The following CCSER1 variants were observed in gnomAD, a reference collection of about 807,000 sequenced individuals.
CCSER1 encodes serine-rich coiled-coil domain-containing protein 1.
In CCSER1, 41 loss-of-function variants were observed where a neutral mutation model predicts 82.0. The ratio of observed to expected loss-of-function variants is 0.50; its 90% CI spans 0.39 to 0.65. CCSER1 has a LOEUF of 0.65. CCSER1 is among the 30% of genes least tolerant of loss of function. The probability of loss-of-function intolerance (pLI) is 0.00; values close to 1 mark genes in which losing one functional copy is unlikely to be tolerated. For missense variants in CCSER1, 1,119 were observed against 1,064.2 expected, an observed-to-expected ratio of 1.05 and a Z score of -0.72; for synonymous variants, 414 against 383.9, an observed-to-expected ratio of 1.08 and a Z score of -0.92.
intron 1 of CCSER1, among the ~76,000 whole-genome samples, chr4:90,194,024 A>T (rs934026889): frequency 2.0e-5 from 3 of 152,024 alleles, no homozygotes; most frequent in African/African-American, 4.8e-5. Context: ...GTTCTTTTGA[A>T]ATATGTTGAT....
chr4:90,904,801 T>C (rs1046661909), intron 8 of CCSER1, among the ~76,000 whole-genome samples: 4 of 152,062 alleles, frequency 2.6e-5, no homozygotes, highest in African/African-American at 4.8e-5. Flanking sequence ...TGTTATATGA[T>C]GTGTATCACT....
chr4:91,038,086 G>T (rs1190517265), intron 9 of CCSER1, among the ~76,000 whole-genome samples: 3 of 151,994 alleles, frequency 2.0e-5, no homozygotes, highest in Non-Finnish European at 2.9e-5. Flanking sequence ...CAATTGAAAG[G>T]TACCCTGTCC....
chr4:90,891,297 G>T, intron 8 of CCSER1, among the ~76,000 whole-genome samples: 1 of 151,570 alleles, frequency 6.6e-6, no homozygotes, highest in Admixed American at 6.6e-5. Flanking sequence ...TTAATAAGTG[G>T]CTAATCAAAT....
At chr4:91,417,240 G>T (rs1253494009) in intron 10 of CCSER1, among the ~76,000 whole-genome samples, 1 of 151,444 alleles carries the variant, frequency 6.6e-6, no homozygotes, top group East Asian at 1.9e-4. Context: ...GGAAAAGATT[G>T]GTGGAAGTGT....
intron 9 of CCSER1, among the ~76,000 whole-genome samples, chr4:91,081,338 G>A (rs1324997965): frequency 4.6e-5 from 7 of 152,008 alleles, no homozygotes; most frequent in Non-Finnish European, 8.8e-5. Context: ...TGCAGAAAAG[G>A]CCTTCGATGA....
At chr4:91,328,319 A>G (rs1746707164) in intron 10 of CCSER1, among the ~76,000 whole-genome samples, 1 of 152,224 alleles carries the variant, frequency 6.6e-6, no homozygotes, top group Non-Finnish European at 1.5e-5. Flanking sequence ...GAAACTTACA[A>G]TCATGGCCAA....
intron 1 of CCSER1, among the ~76,000 whole-genome samples, chr4:90,180,994 T>A (rs1560753901): frequency 6.6e-6 from 1 of 152,166 alleles, no homozygotes; most frequent in East Asian, 1.9e-4. Context: ...TATATATATA[T>A]AATGAGCATA....
intron 10 of CCSER1, among the ~76,000 whole-genome samples, chr4:91,377,233 A>G (rs1750490744): frequency 1.3e-5 from 2 of 152,212 alleles, no homozygotes; most frequent in African/African-American, 4.8e-5. Context: ...TCTTTATAGC[A>G]GGATGACTTA....
At chr4:91,449,343 TC>T (rs1755748301) in intron 10 of CCSER1, among the ~76,000 whole-genome samples, 2 of 151,914 alleles carry the variant, frequency 1.3e-5, no homozygotes, top group African/African-American at 4.8e-5. Context: ...TAATTGAGAG[TC>T]CCAGGTTGAC....
At chr4:90,868,863 ATT>A (rs1015871650) in intron 8 of CCSER1, among the ~76,000 whole-genome samples, 9 of 151,990 alleles carry the variant, frequency 5.9e-5, no homozygotes, top group African/African-American at 2.2e-4. Flanking sequence ...CCTTGCCAGC[ATT>A]TGTTATTGCC....
chr4:90,334,358 C>T (rs546330113), intron 3 of CCSER1, among the ~76,000 whole-genome samples: 4 of 151,828 alleles, frequency 2.6e-5, no homozygotes, highest in South Asian at 2.1e-4. Flanking sequence ...AACAGATAGG[C>T]CTTCTGGAAT....
At chr4:90,643,110 T>C (rs1032656286) in intron 6 of CCSER1, among the ~76,000 whole-genome samples, 2 of 152,192 alleles carry the variant, frequency 1.3e-5, no homozygotes, top group Admixed American at 1.3e-4. Flanking sequence ...ACTTCACTTC[T>C]CTTGAAAACA....
chr4:91,471,045 A>C (rs781060249), intron 10 of CCSER1, among the ~76,000 whole-genome samples: 1 of 152,186 alleles, frequency 6.6e-6, no homozygotes, highest in African/African-American at 2.4e-5. Context: ...TGTAGATGCA[A>C]AAAGCCTACT....
At chr4:90,181,498 G>C (rs1733725577) in intron 1 of CCSER1, among the ~76,000 whole-genome samples, 1 of 152,024 alleles carries the variant, frequency 6.6e-6, no homozygotes, top group South Asian at 2.1e-4. Context: ...CCCATCTCAA[G>C]AGAGGACAAT....
chr4:90,674,948 A>G (rs1733552572), intron 6 of CCSER1, among the ~76,000 whole-genome samples: 1 of 152,054 alleles, frequency 6.6e-6, no homozygotes, highest in African/African-American at 2.4e-5. Flanking sequence ...TCACATTATT[A>G]TGACTATTTT....
intron 9 of CCSER1, among the ~76,000 whole-genome samples, chr4:91,009,031 G>A (rs141720454): frequency 2.0e-5 from 3 of 152,208 alleles, no homozygotes; most frequent in Admixed American, 2.0e-4. Flanking sequence ...GCCTGATCGG[G>A]AGCGGCAATG....
intron 10 of CCSER1, among the ~76,000 whole-genome samples, chr4:91,149,975 T>C (rs1729986685): frequency 6.6e-6 from 1 of 152,196 alleles, no homozygotes. Context: ...TTTTTTTGGT[T>C]CCATGTGAAC....
intron 5 of CCSER1, among the ~76,000 whole-genome samples, chr4:90,524,621 A>G (rs898179591): frequency 1.3e-5 from 2 of 152,030 alleles, no homozygotes; most frequent in Non-Finnish European, 2.9e-5. Flanking sequence ...GGCGCGTGCC[A>G]CTACACCCAG....
intron 10 of CCSER1, among the ~76,000 whole-genome samples, chr4:91,376,734 A>C (rs1369023611): frequency 6.6e-6 from 1 of 152,166 alleles, no homozygotes; most frequent in Non-Finnish European, 1.5e-5. Flanking sequence ...ACTATCAAAT[A>C]TTTTTACAAA....
Sources: allele counts gnomAD v4.1 joint callset (sites outside exome capture counted in the v4.1 genomes callset), GRCh38; gene constraint gnomAD v4.1.1; transcripts MANE v1.5; gene names NCBI Gene and HGNC (gene_info 2026-07-23, HGNC 2026-07-21).